The following PKHD1 variants were observed in gnomAD, a reference collection of about 807,000 sequenced individuals.
PKHD1 encodes PKHD1 ciliary IPT domain containing fibrocystin/polyductin.
A neutral mutation model predicts 412.0 loss-of-function variants in PKHD1; 291 were observed. The ratio of observed to expected loss-of-function variants is 0.71; its 90% confidence interval spans 0.64 to 0.78. The LOEUF is 0.78. PKHD1 is among the 30% of genes least tolerant of loss of function. The pLI, the probability that PKHD1 is intolerant of heterozygous loss-of-function variation, is 0.00. For missense variants in PKHD1, 4,825 were observed against 4,950.7 expected (o/e 0.97, Z 0.76); for synonymous variants, 1,777 against 1,821.5 (o/e 0.98, Z 0.62).
intron 37 of PKHD1, among the ~76,000 whole-genome samples, chr6:51,918,159 A>G (rs962411120): frequency 7.0e-6 from 1 of 142,250 alleles, no homozygotes; most frequent in African/African-American, 2.7e-5. Context: ...TGTATTTGAA[A>G]TAGTTATAAA....
chr6:51,842,617 C>G (rs1770418573), intron 50 of PKHD1, among the ~76,000 whole-genome samples: 1 of 152,248 alleles, frequency 6.6e-6, no homozygotes, highest in South Asian at 2.1e-4. Flanking sequence ...ATCTTCTCCT[C>G]CTGTTTTGGG....
intron 23 of PKHD1, among the ~76,000 whole-genome samples, 169 bp downstream of exon 23, chr6:52,048,323 T>C (rs1256412185): frequency 3.3e-5 from 5 of 152,186 alleles, no homozygotes; most frequent in Non-Finnish European, 5.9e-5. Context: ...TAACAATAAG[T>C]CCCTTTCCAA....
intron 60 of PKHD1, among the ~76,000 whole-genome samples, chr6:51,669,379 G>T (rs1774479144): frequency 1.3e-5 from 2 of 152,192 alleles, no homozygotes; most frequent in East Asian, 1.9e-4. Context: ...ATTTCTGTGG[G>T]ATCGGTGGTG....
chr6:51,924,273 G>A, intron 37 of PKHD1, among the ~76,000 whole-genome samples: 1 of 149,726 alleles, frequency 6.7e-6, no homozygotes, highest in Non-Finnish European at 1.5e-5. Context: ...GTTTCTTGTG[G>A]TACTCAAAAA....
chr6:51,913,804 T>C (rs1231379027), intron 37 of PKHD1, among the ~76,000 whole-genome samples: 2 of 152,114 alleles, frequency 1.3e-5, no homozygotes, highest in African/African-American at 2.4e-5. Flanking sequence ...GTTAATATTG[T>C]AATTTCTGAA....
At chr6:51,904,155 T>C in intron 41 of PKHD1, 113 bp from the exon 42 acceptor site, 1 of 743,992 alleles carries the variant, frequency 1.3e-6, no homozygotes, top group East Asian at 2.6e-5. Flanking sequence ...TTTTTGTGTT[T>C]TTATCTGTAA....
intron 60 of PKHD1, among the ~76,000 whole-genome samples, chr6:51,731,523 T>C (rs1327054936): frequency 6.6e-6 from 1 of 152,166 alleles, no homozygotes; most frequent in Admixed American, 6.5e-5. Flanking sequence ...GTAATCCAAG[T>C]CTAGACAAGC....
At position 52,071,065 on chromosome 6, in the gene PKHD1, G is replaced by A. The variant is rs1438833317; in HGVS notation, c.608C>T (p.Pro203Leu). The part of the protein sequence containing the change: ...LINRQMGSCY[P>L]IQEDHGLGTL... ...CCCAAGACCATGGTCCTCCTGAATAGGATAACTAAGGAAAAGACAAACTGA... is the reference window on the plus strand; with the variant it reads ...CCCAAGACCATGGTCCTCCTGAATAAGATAACTAAGGAAAAGACAAACTGA... The change falls in exon 9 of 67, where the codon CCT (proline) becomes CTT (leucine). Residue 203 changes from proline (P) to leucine (L), a missense_variant. Transcript: ENST00000371117. 6.3e-7 allele frequency: 1 copy of A among 1,596,026 alleles called. No homozygotes were observed. Among genetic ancestry groups the A allele is most frequent in the African/African-American group, 1.3e-5 (1 of 74,430 alleles).
intron 35 of PKHD1, among the ~76,000 whole-genome samples, chr6:51,979,988 C>T (rs1794936385): frequency 6.6e-6 from 1 of 152,194 alleles, no homozygotes; most frequent in South Asian, 2.1e-4. Flanking sequence ...TCCATATTTA[C>T]ATCAATGTTT....
intron 45 of PKHD1, among the ~76,000 whole-genome samples, chr6:51,885,373 C>T (rs1469453857): frequency 2.6e-5 from 4 of 152,062 alleles, no homozygotes; most frequent in Non-Finnish European, 2.9e-5. Flanking sequence ...GTATCAATGA[C>T]GAACAGTGCT....
intron 65 of PKHD1, among the ~76,000 whole-genome samples, chr6:51,629,568 TAAAAC>T (rs1239809225): frequency 1.3e-5 from 2 of 151,428 alleles, no homozygotes; most frequent in Non-Finnish European, 2.9e-5. Flanking sequence ...AAAATCACAG[TAAAAC>T]AAAACAAAAC....
intron 21 of PKHD1, 107 bp from the exon 22 acceptor site, chr6:52,050,402 A>G (rs1562233426): frequency 1.8e-6 from 2 of 1,089,020 alleles, no homozygotes; most frequent in South Asian, 2.5e-5. Flanking sequence ...GTACACACCT[A>G]AAGCATAGAT....
rs971207956 is a variant in PKHD1 at position 51,885,187 on chromosome 6, T to C, written c.7215+680A>G. On this transcript the variant is annotated intron_variant, in intron 45 of 66. Coordinates refer to ENST00000371117, the MANE Select transcript of PKHD1 (RefSeq NM_138694.4). ...GCATCAAATAGTGACCCTGAATAAT[T>C]TTTACATGTTGCTGTTAGCAGTGAG... Among the ~76,000 whole-genome samples the C allele has an allele frequency of 8.5e-5, 13 of 152,292 alleles. No individual in the cohort carries two copies. In the South Asian group the frequency reaches 2.7e-3, roughly 32 times the overall value.
At position 51,619,520 on chromosome 6, in the gene PKHD1, T is replaced by C. The variant is rs1391087473; in HGVS notation, c.11786A>G (p.Asp3929Gly). 1.9e-6 allele frequency: 3 copies of C among 1,613,044 alleles called. No homozygotes were observed. The African/African-American group carries it at 4.0e-5, about 22-fold the overall frequency. The part of the protein sequence containing the change: ...PKKEDTVVGE[D>G]MRMKVMLGKV... ...GCCCAGCATGACCTTCATTCTCATA[T>C]CTGGGGGGAAAAGAAATAGGGGAAG... is the stretch of plus-strand genomic sequence containing the variant. Residue 3929 changes from aspartate (D) to glycine (G), a missense_variant and splice_region_variant, in exon 67 of 67, where the codon GAT (aspartate) becomes GGT (glycine). Asp to Gly is a moderately conservative substitution (Grantham distance 94). Transcript: ENST00000371117.
At chr6:51,880,644 A>AT (rs1163551809) in intron 46 of PKHD1, among the ~76,000 whole-genome samples, 1 of 28,512 alleles carries the variant, frequency 3.5e-5, no homozygotes, top group Non-Finnish European at 5.6e-5. Context: ...GAGGGATAGC[A>AT]TTGGGAGATA....
chr6:51,855,366 T>C (rs1240720581), intron 49 of PKHD1, among the ~76,000 whole-genome samples: 3 of 152,264 alleles, frequency 2.0e-5, no homozygotes, highest in Non-Finnish European at 4.4e-5. Context: ...GTAAGCCATC[T>C]TGCCACACGG....
intron 29 of PKHD1, among the ~76,000 whole-genome samples, chr6:52,030,270 G>C (rs1581840346): frequency 6.6e-6 from 1 of 152,140 alleles, no homozygotes; most frequent in African/African-American, 2.4e-5. Context: ...TGTGACTTTG[G>C]GTGATTTACT....
At chr6:51,897,912 AAAG>A (rs1312346087) in intron 43 of PKHD1, among the ~76,000 whole-genome samples, 1 of 152,128 alleles carries the variant, frequency 6.6e-6, no homozygotes, top group African/African-American at 2.4e-5. Flanking sequence ...CAAAAGAGAC[AAAG>A]AAGACCATTA....
chr6:51,811,178 G>A (rs1228971543), intron 52 of PKHD1, among the ~76,000 whole-genome samples: 1 of 152,126 alleles, frequency 6.6e-6, no homozygotes, highest in Non-Finnish European at 1.5e-5. Flanking sequence ...TGTGTTCCTT[G>A]AAGGTATGTT....
Sources: gnomAD v4.1 joint callset for allele counts (sites outside exome capture counted in the v4.1 genomes callset) on GRCh38, gnomAD v4.1.1 for gene constraint, MANE v1.5 for transcripts, NCBI Gene and HGNC (gene_info 2026-07-23, HGNC 2026-07-21) for gene names.